Variants in MTCL1 observed in about 807,000 individuals in gnomAD.
MTCL1 encodes microtubule crosslinking factor 1, also known as microtubule cross-linking factor 1.
In MTCL1, 79 loss-of-function variants were observed where a neutral mutation model predicts 141.4. The observed-to-expected ratio is 0.56, with a 90% CI of 0.47 to 0.67. The LOEUF (loss-of-function observed/expected upper bound fraction) is 0.67. Among genes scored for constraint, MTCL1 ranks in the 30% least tolerant of loss-of-function variants. The pLI is 0.00. For missense variants in MTCL1, 2,177 were observed against 2,113.9 expected (o/e 1.03, Z -0.59); for synonymous variants, 914 against 875.8 (o/e 1.04, Z -0.77).
At chr18:8,734,251 C>G (rs1454228524) in intron 4 of MTCL1, among the ~76,000 whole-genome samples, 1 of 152,030 alleles carries the variant, frequency 6.6e-6, no homozygotes, top group Non-Finnish European at 1.5e-5. Flanking sequence ...TTTTCCTCCT[C>G]CAACTCCGTT....
At chr18:8,816,023 AAAG>A (rs2144297733) in intron 12 of MTCL1, among the ~76,000 whole-genome samples, 1 of 152,338 alleles carries the variant, frequency 6.6e-6, no homozygotes, top group South Asian at 2.1e-4. Context: ...AAACATTTTT[AAAG>A]AAGACTTCTT....
intron 4 of MTCL1, among the ~76,000 whole-genome samples, chr18:8,759,168 T>C (rs140971653): frequency 0.012 from 1,759 of 152,362 alleles, 38 homozygotes; most frequent in African/African-American, 0.036. Flanking sequence ...ACGATGACGC[T>C]GAATGCTTCT....
rs755625796 is a variant in MTCL1 at position 8,823,551 on chromosome 18, A to G, written c.3189-1148A>G. Among the ~76,000 whole-genome samples the G allele has an allele frequency of 2.6e-5, 4 of 152,162 alleles. No individual in the cohort carries two copies. In the South Asian group the frequency reaches 6.2e-4, roughly 24 times the overall value. On this transcript the variant is annotated intron_variant, in intron 14 of 16. Transcript: ENST00000359865. ...AAGCTCATGACCTTGGGACAAATCAACCCATCCCTACCATTGCCCTTCCTT... is the reference window on the plus strand; with the variant it reads ...AAGCTCATGACCTTGGGACAAATCAGCCCATCCCTACCATTGCCCTTCCTT...
At chr18:8,832,053 C>T in exon 17 of MTCL1, 1 of 556,958 alleles carries the variant, frequency 1.8e-6, no homozygotes, top group South Asian at 2.2e-5. Flanking sequence ...ATCTTTTTTA[C>T]ACACAGTATA....
chr18:8,824,685 TC>T lies in MTCL1; in HGVS notation c.3189-13del. 6.3e-7 allele frequency: 1 copy of T among 1,595,122 alleles called. No homozygotes were observed. The highest frequency in any genetic ancestry group is 8.5e-7 in the Non-Finnish European group (1 of 1,170,004). ...CCTGGCAGGTACTGACACCCTCTTT[TC>T]TGCTTTTCCCAGGGCGGTGTCCGTG... On this transcript the variant is annotated splice_polypyrimidine_tract_variant and intron_variant, in intron 14 of 16. Coordinates refer to ENST00000359865, the Ensembl canonical transcript of MTCL1.
intron 7 of MTCL1, among the ~76,000 whole-genome samples, chr18:8,791,899 T>C (rs991209213): frequency 1.3e-4 from 19 of 145,532 alleles, no homozygotes; most frequent in Middle Eastern, 3.6e-3. Flanking sequence ...GAATCCCCAG[T>C]GTCTGATTTT....
Position 8,706,392 on chromosome 18 carries a change from A to AC in MTCL1, c.737dup (p.Arg247ThrfsTer107). 2 of 1,228,300 alleles carry AC rather than the reference A, an allele frequency of 1.6e-6. No individual in the cohort carries two copies. Among genetic ancestry groups the AC allele is most frequent in the Non-Finnish European group, 1.0e-6 (1 of 985,352 alleles). The allele number at this position is 1,228,300 out of a possible 1,614,324, so 76.1% of individuals were successfully genotyped here. On this transcript the variant is annotated frameshift_variant, in exon 1 of 14. Coordinates refer to the MTCL1 transcript ENST00000306329. LOFTEE classifies it high-confidence loss of function. Reference sequence around the variant, plus strand: ...CCGGCACGGGCTCCAGCGACCGTGAACCCCCACGAGGAGCGCCGACGCCGA... The same window carrying AC: ...CCGGCACGGGCTCCAGCGACCGTGAACCCCCCACGAGGAGCGCCGACGCCGA...
intron 10 of MTCL1, among the ~76,000 whole-genome samples, chr18:8,801,079 G>A (rs1442801690): frequency 6.6e-6 from 1 of 152,124 alleles, no homozygotes; most frequent in East Asian, 1.9e-4. Flanking sequence ...GCTCCTTGTC[G>A]GGGCTTCTGT....
chr18:8,766,015 A>AT (rs550530275), intron 4 of MTCL1, among the ~76,000 whole-genome samples: 45 of 152,304 alleles, frequency 3.0e-4, no homozygotes, highest in South Asian at 2.7e-3. Flanking sequence ...TAATGCACAC[A>AT]TTCACCCTTA....
At chr18:8,726,026 C>T (rs1015681377) in intron 4 of MTCL1, among the ~76,000 whole-genome samples, 2 of 151,888 alleles carry the variant, frequency 1.3e-5, no homozygotes, top group East Asian at 1.9e-4. Flanking sequence ...CTCCAGACCT[C>T]GTGATCTGCC....
chr18:8,785,860 T>C lies in MTCL1; in HGVS notation c.1732-76T>C, dbSNP rs980943953. On this transcript the variant is annotated intron_variant, in intron 6 of 16. Transcript: ENST00000359865. Reference sequence around the variant, plus strand: ...TATCCCCCCTCCCTGCCTCCACCCTTGTCCTTTGTTTGTTTGTTTTTTTGT... The same window carrying C: ...TATCCCCCCTCCCTGCCTCCACCCTCGTCCTTTGTTTGTTTGTTTTTTTGT... The C allele has an allele frequency of 1.5e-5, 23 of 1,509,360 alleles. No individual in the cohort carries two copies. In the East Asian group the frequency reaches 4.6e-4, roughly 30 times the overall value. The allele number at this position is 1,509,360 out of a possible 1,614,324, so 93.5% of individuals were successfully genotyped here.
In MTCL1 at chr18:8,774,253, A is replaced by AGTGTGTGTGT. The variant is rs1568007863; in HGVS notation, c.358-3580_358-3579insGTGTGTGTGT. 3.0e-4 allele frequency among the ~76,000 whole-genome samples: 30 copies of AGTGTGTGTGT among 100,060 alleles called. No homozygotes were observed. The East Asian group carries it at 0.013, about 42-fold the overall frequency. The allele number at this position is 100,060 out of a possible 152,430, so 65.6% of individuals were successfully genotyped here. On this transcript the variant is annotated intron_variant, in intron 4 of 16. Coordinates refer to ENST00000359865, the Ensembl canonical transcript of MTCL1. ...CAAACACATACACACACTCTTTTCG[A>AGTGTGTGTGT]ATGTGTGTGTGTGTGTGTGTGTATT...
chr18:8,756,400 T>C (rs1046694303), intron 4 of MTCL1, among the ~76,000 whole-genome samples: 29 of 150,288 alleles, frequency 1.9e-4, no homozygotes, highest in African/African-American at 6.9e-4. Flanking sequence ...TATATATGTA[T>C]ATATGTGTGT....
intron 11 of MTCL1, chr18:8,809,514 G>A (rs1207275897): frequency 2.6e-6 from 4 of 1,536,204 alleles, no homozygotes; most frequent in Admixed American, 3.9e-5. Flanking sequence ...GCTGCCAGCT[G>A]GGTCCACGGT....
At chr18:8,811,882 C>T (rs979944574) in intron 11 of MTCL1, among the ~76,000 whole-genome samples, 13 of 152,164 alleles carry the variant, frequency 8.5e-5, no homozygotes, top group African/African-American at 1.4e-4. Flanking sequence ...AGGATAAAAA[C>T]GAGACACTGA....
chr18:8,735,577 A>G (rs1012096592), intron 4 of MTCL1, among the ~76,000 whole-genome samples: 1 of 152,134 alleles, frequency 6.6e-6, no homozygotes, highest in African/African-American at 2.4e-5. Context: ...GAGGAGGTTC[A>G]GGGGAGTTTG....
At chr18:8,784,473 T>C in exon 6 of MTCL1, 1 of 1,559,220 alleles carries the variant, frequency 6.4e-7, no homozygotes. Flanking sequence ...TCTGAGTACC[T>C]AGTGACCCTA....
chr18:8,785,713 C>A, intron 6 of MTCL1: 1 of 577,484 alleles, frequency 1.7e-6, no homozygotes, highest in Non-Finnish European at 3.1e-6. Flanking sequence ...CCCCTTTGCT[C>A]ATCCTCATCT....
intron 11 of MTCL1, 34 bp from the exon 11 acceptor site, chr18:8,812,945 G>T: frequency 6.3e-7 from 1 of 1,586,216 alleles, no homozygotes; most frequent in South Asian, 1.1e-5. Context: ...AGACTTGTCA[G>T]AGAGGGAATT....
Sources: allele counts gnomAD v4.1 joint callset (sites outside exome capture counted in the v4.1 genomes callset), GRCh38; gene constraint gnomAD v4.1.1; transcripts MANE v1.5; gene names NCBI Gene and HGNC (gene_info 2026-07-23, HGNC 2026-07-21).